TRPM3: variants seen among roughly 807,000 people sequenced by gnomAD.
TRPM3 encodes the protein long transient receptor potential channel 3.
TRPM3 carries 77 observed loss-of-function variants against 181.2 expected under a neutral mutation model. The observed-to-expected ratio is 0.42, with a 90% confidence interval of 0.35 to 0.51. TRPM3 has a LOEUF of 0.51. Among genes scored for constraint, TRPM3 ranks in the 20% least tolerant of loss-of-function variants. The pLI is 0.01. For missense variants in TRPM3, 1,759 were observed against 2,196.7 expected, an observed-to-expected ratio of 0.80 and a Z score of 3.98; for synonymous variants, 745 against 796.4, an observed-to-expected ratio of 0.94 and a Z score of 1.09.
At chr9:71,232,967 T>C (rs11142746) in intron 1 of TRPM3, among the ~76,000 whole-genome samples, 65,091 of 151,926 alleles carry the variant, frequency 0.43, 14,371 homozygotes, top group East Asian at 0.52. Context: ...CTTTCTTTTA[T>C]GAACAGCTTT....
rs764178764 is a variant in TRPM3, at chr9:70,615,952, C to G, written c.2482G>C (p.Glu828Gln). The G allele has an allele frequency of 7.4e-6, 12 of 1,612,974 alleles. No homozygotes were observed. The highest frequency in any genetic ancestry group is 1.7e-5 in the Admixed American group (1 of 59,856). The change falls in exon 18 of 26, where the codon GAG becomes CAG. Residue 828 changes from glutamate (E) to glutamine (Q), a missense_variant. Physicochemically the swap from Glu to Gln is conservative, Grantham distance 29. Coordinates refer to ENST00000677713, the MANE Select transcript of TRPM3 (RefSeq NM_001366145.2). Reference protein sequence around the residue: ...HLQEKEAEEPEKPTKEKEEED... With the variant: ...HLQEKEAEEPQKPTKEKEEED... ...TCCTCTTTTTCCTTTGTGGGCTTCTCTGGTTCTTCTGCCTCCTTCTCTTGG... is the reference window on the plus strand; with the variant it reads ...TCCTCTTTTTCCTTTGTGGGCTTCTGTGGTTCTTCTGCCTCCTTCTCTTGG...
chr9:70,959,967 C>T (rs2097121124), intron 1 of TRPM3, among the ~76,000 whole-genome samples: 1 of 152,100 alleles, frequency 6.6e-6, no homozygotes, highest in Non-Finnish European at 1.5e-5. Context: ...GATAAGACCC[C>T]CAAATGAGTT....
chr9:71,424,129 A>G (rs923893211), intron 1 of TRPM3, among the ~76,000 whole-genome samples: 1 of 152,116 alleles, frequency 6.6e-6, no homozygotes, highest in Non-Finnish European at 1.5e-5. Context: ...CACCATTACA[A>G]TGTCATAAGG....
intron 1 of TRPM3, among the ~76,000 whole-genome samples, chr9:71,441,649 T>G (rs916719005): frequency 6.6e-6 from 1 of 150,378 alleles, no homozygotes; most frequent in Non-Finnish European, 1.5e-5. Flanking sequence ...TTTTTTTTTT[T>G]CTGAGACGGA....
rs1564546416 is a variant in TRPM3 at position 70,610,619 on chromosome 9, C to T, written c.2657G>A (p.Trp886Ter). The T allele has an allele frequency of 1.2e-6, 2 of 1,613,688 alleles. No homozygotes were observed. The highest frequency in any genetic ancestry group is 8.5e-7 in the Non-Finnish European group (1 of 1,179,788). The change falls in exon 19 of 26, where the codon TGG becomes TAG. Residue 886 changes from tryptophan to a stop codon, truncating the protein, a stop_gained. Transcript: ENST00000677713. LOFTEE classifies it high-confidence loss of function. ...AGGAAATGTGCTTACTGTGTAGAAC[C>T]AGAACTTCACGATGGGTGCATTGTA... ...EFYNAPIVKF[W>*]FYTLAYIGYL...
At chr9:70,582,177 TGTGC>T (rs891567007) in intron 22 of TRPM3, among the ~76,000 whole-genome samples, 9 of 55,180 alleles carry the variant, frequency 1.6e-4, no homozygotes, top group African/African-American at 4.8e-4. Context: ...GCCTCCACCC[TGTGC>T]GTGTGTGTGT....
At chr9:70,818,310 A>C (rs1447993193) in intron 6 of TRPM3, among the ~76,000 whole-genome samples, 1 of 152,236 alleles carries the variant, frequency 6.6e-6, no homozygotes, top group Admixed American at 6.5e-5. Context: ...AATAATTCTC[A>C]GTAATTTATA....
chr9:70,544,096 C>G (rs544562581), intron 25 of TRPM3, among the ~76,000 whole-genome samples: 1 of 151,970 alleles, frequency 6.6e-6, no homozygotes, highest in East Asian at 1.9e-4. Context: ...TAAAGGAACC[C>G]GAAAAGAACT....
At chr9:70,875,368 T>C (rs9792690) in intron 1 of TRPM3, among the ~76,000 whole-genome samples, 39,278 of 151,822 alleles carry the variant, frequency 0.26, 5,232 homozygotes, top group East Asian at 0.36. Context: ...TTTTTATAAA[T>C]TCATGCAATC....
chr9:71,036,990 A>T (rs779196286), intron 1 of TRPM3, among the ~76,000 whole-genome samples: 9 of 152,252 alleles, frequency 5.9e-5, no homozygotes, highest in Non-Finnish European at 1.3e-4. Context: ...GCTATTATTG[A>T]GATAATAAAA....
intron 12 of TRPM3, among the ~76,000 whole-genome samples, chr9:70,634,599 C>T (rs2066538332): frequency 6.6e-6 from 1 of 152,050 alleles, no homozygotes; most frequent in African/African-American, 2.4e-5. Flanking sequence ...GCCAATATAG[C>T]TCTCATCTCC....
In TRPM3 at chr9:70,699,339, T is replaced by A. The variant is rs1053964477; in HGVS notation, c.1273-17761A>T. On this transcript the variant is annotated intron_variant, in intron 8 of 25. Coordinates refer to ENST00000677713, the MANE Select transcript of TRPM3 (RefSeq NM_001366145.2). ...GCCTGGACTTTGTGGACTATATTAA[T>A]TTCAATAGCAAAGTTTGGTGGTGGG... 6.6e-5 allele frequency among the ~76,000 whole-genome samples: 10 copies of A among 152,162 alleles called. No individual in the cohort carries two copies. In the South Asian group the frequency reaches 2.1e-3, roughly 32 times the overall value.
At chr9:71,032,146 T>C (rs978486549) in intron 1 of TRPM3, among the ~76,000 whole-genome samples, 5 of 106,580 alleles carry the variant, frequency 4.7e-5, no homozygotes, top group African/African-American at 1.7e-4. Flanking sequence ...GTGGATTATA[T>C]ATACTATATA....
rs188699594 is a variant in TRPM3, at chr9:71,166,220, A to C, written c.183+280433T>G. Among the ~76,000 whole-genome samples, 255 of 152,256 alleles carry C rather than the reference A, an allele frequency of 1.7e-3. 1 individual carries two copies. Among genetic ancestry groups the C allele is most frequent in the Non-Finnish European group, 3.8e-4 (26 of 68,022 alleles). On this transcript the variant is annotated intron_variant, in intron 1 of 24. Coordinates refer to the TRPM3 transcript ENST00000357533. ...ACCCACTCTGCAGGAGTCGGCAGCC[A>C]CAGAAGTCACCAAATGGAGGATGAA...
At chr9:71,143,405 A>G (rs926156605) in intron 1 of TRPM3, among the ~76,000 whole-genome samples, 3 of 151,960 alleles carry the variant, frequency 2.0e-5, no homozygotes, top group Non-Finnish European at 2.9e-5. Flanking sequence ...TGTTTTCATC[A>G]TTTAGCTCCC....
intron 1 of TRPM3, among the ~76,000 whole-genome samples, chr9:70,883,997 T>C (rs1304288371): frequency 2.0e-5 from 3 of 152,192 alleles, no homozygotes; most frequent in African/African-American, 7.2e-5. Context: ...TTGGAAACGA[T>C]TGCAGTTTTA....
At chr9:70,767,296 C>T (rs2079330713) in intron 7 of TRPM3, among the ~76,000 whole-genome samples, 1 of 152,122 alleles carries the variant, frequency 6.6e-6, no homozygotes. Flanking sequence ...TAGAGTCTTG[C>T]AAACACTCCA....
At chr9:70,902,333 G>A (rs1022862298) in intron 1 of TRPM3, among the ~76,000 whole-genome samples, 2 of 152,206 alleles carry the variant, frequency 1.3e-5, no homozygotes, top group Admixed American at 1.3e-4. Context: ...GCTTGACTCT[G>A]TTGTACTCAG....
intron 1 of TRPM3, among the ~76,000 whole-genome samples, chr9:71,359,766 T>C (rs2092065565): frequency 6.6e-6 from 1 of 152,182 alleles, no homozygotes; most frequent in African/African-American, 2.4e-5. Context: ...GGGTGTCCCA[T>C]CTTATCTGTA....
Sources: gnomAD v4.1 joint callset for allele counts (sites outside exome capture counted in the v4.1 genomes callset) on GRCh38, gnomAD v4.1.1 for gene constraint, MANE v1.5 for transcripts, NCBI Gene and HGNC (gene_info 2026-07-23, HGNC 2026-07-21) for gene names.